Variants in SASH1 observed in about 807,000 individuals in gnomAD.
The protein encoded by SASH1 is SAM and SH3 domain-containing protein 1.
In SASH1, 44 loss-of-function variants were observed where a neutral mutation model predicts 125.2. The observed-to-expected ratio is 0.35, with a 90% CI of 0.28 to 0.45. The LOEUF (loss-of-function observed/expected upper bound fraction) is 0.45, where lower values mean the gene tolerates loss of function less well. SASH1 is among the 20% of genes least tolerant of loss of function. The pLI, the probability that SASH1 is intolerant of heterozygous loss-of-function variation, is 1.00. For synonymous variants in SASH1, 639 were observed against 649.1 expected (o/e 0.98, Z 0.24); for missense variants, 1,426 against 1,614.5 (o/e 0.88, Z 2.00).
the SASH1 span, among the ~76,000 whole-genome samples, chr6:148,224,849 T>A: frequency 6.6e-6 from 1 of 152,184 alleles, no homozygotes; most frequent in Non-Finnish European, 1.5e-5. Context: ...TTCCTGAAAG[T>A]AGATCATCTT....
At chr6:148,399,600 A>G (rs1784095691) in intron 2 of SASH1, among the ~76,000 whole-genome samples, 1 of 152,198 alleles carries the variant, frequency 6.6e-6, no homozygotes, top group African/African-American at 2.4e-5. Context: ...CTTAAACACC[A>G]AACTAGCATA....
chr6:148,394,953 CTA>C (rs758073212), intron 2 of SASH1, among the ~76,000 whole-genome samples: 1 of 152,320 alleles, frequency 6.6e-6, no homozygotes, highest in East Asian at 1.9e-4. Context: ...CAGTTTCTTT[CTA>C]TGTTTGTCAG....
intron 1 of SASH1, among the ~76,000 whole-genome samples, chr6:148,322,615 C>T (rs538402780): frequency 7.8e-4 from 119 of 152,162 alleles, no homozygotes; most frequent in Non-Finnish European, 1.4e-3. Flanking sequence ...GCTCAGCTGA[C>T]GTTTCTTGCT....
intron 1 of SASH1, among the ~76,000 whole-genome samples, chr6:148,322,035 C>A (rs1459302295): frequency 1.3e-5 from 2 of 152,110 alleles, no homozygotes; most frequent in Non-Finnish European, 2.9e-5. Flanking sequence ...GAATCTTGGT[C>A]TAACAGTAGC....
the SASH1 span, among the ~76,000 whole-genome samples, chr6:148,200,776 A>G: frequency 6.6e-6 from 1 of 152,232 alleles, no homozygotes; most frequent in Admixed American, 6.5e-5. Context: ...TTACAATTGA[A>G]GGACAGACAT....
At chr6:148,440,443 A>G (rs749566942) in intron 4 of SASH1, 36 bp downstream of exon 4, 42 of 1,580,026 alleles carry the variant, frequency 2.7e-5, no homozygotes, top group Non-Finnish European at 3.6e-5. Context: ...ACCACCTTCC[A>G]AGAAGGTGTC....
At chr6:148,281,171 T>A (rs1779331725) in intron 1 of SASH1, among the ~76,000 whole-genome samples, 1 of 144,198 alleles carries the variant, frequency 6.9e-6, no homozygotes, top group South Asian at 2.3e-4. Context: ...TTGGCCAGGC[T>A]GGTCTGGATC....
intron 2 of SASH1, among the ~76,000 whole-genome samples, chr6:148,404,765 C>G (rs1784310978): frequency 8.2e-6 from 1 of 121,924 alleles, no homozygotes; most frequent in Non-Finnish European, 1.7e-5. Flanking sequence ...TGCCCCACCC[C>G]AGCCTCGCCC....
rs1782692075 is a variant in SASH1 at position 148,548,429 on chromosome 6, A to C, written c.3615A>C (p.Thr1205=). 6.2e-7 allele frequency: 1 copy of C among 1,614,166 alleles called. No homozygotes were observed. The highest frequency in any genetic ancestry group is 8.5e-7 in the Non-Finnish European group (1 of 1,180,024). ...AGTLSTAGFS[T]LSQVPSLSHT... ...CCCTCTCCACCGCGGGCTTCAGCAC[A>C]CTGAGCCAAGTGCCTTCTCTGTCTC... The change falls in exon 20 of 20, where the codon ACA becomes ACC. Residue 1205 remains threonine, a synonymous_variant. Coordinates refer to ENST00000367467, the MANE Select transcript of SASH1 (RefSeq NM_015278.5).
intron 7 of SASH1, among the ~76,000 whole-genome samples, chr6:148,476,425 A>G (rs1778348909): frequency 6.6e-6 from 1 of 152,126 alleles, no homozygotes; most frequent in Admixed American, 6.6e-5. Flanking sequence ...ATTAGAAGAA[A>G]TGATCTTACA....
chr6:148,533,884 C>T lies in SASH1; in HGVS notation c.1848C>T (p.Asp616=), dbSNP rs751698008. The T allele has an allele frequency of 1.3e-5, 21 of 1,613,904 alleles. No individual in the cohort carries two copies. Among genetic ancestry groups the T allele is most frequent in the East Asian group, 4.5e-5 (2 of 44,872 alleles). Residue 616 remains aspartate (D), a synonymous_variant, in exon 15 of 20, where the codon GAC becomes GAT. Coordinates refer to ENST00000367467, the MANE Select transcript of SASH1 (RefSeq NM_015278.5). The surrounding 1 kb of genome is among the most constrained non-coding windows in gnomAD (Gnocchi z 6.2). ...TCTACGTGGACGTGCTCAGTGAAGA[C>T]GAGGAGAAACCCAAACGCCCCACCA... ...KFIYVDVLSE[D]EEKPKRPTRR... is the part of the protein sequence containing the mutation.
intron 1 of SASH1, among the ~76,000 whole-genome samples, chr6:148,283,617 G>A (rs1779404633): frequency 6.6e-6 from 1 of 152,026 alleles, no homozygotes. Context: ...TACTAAAAAT[G>A]CAAAAAATTA....
chr6:148,546,924 C>T (rs1383551714), intron 19 of SASH1, among the ~76,000 whole-genome samples: 1 of 152,064 alleles, frequency 6.6e-6, no homozygotes, highest in Non-Finnish European at 1.5e-5. Flanking sequence ...AGTAGTCTCC[C>T]CCTATCCATG....
chr6:148,421,908 G>A (rs1307738827), intron 2 of SASH1, among the ~76,000 whole-genome samples: 1 of 152,104 alleles, frequency 6.6e-6, no homozygotes, highest in Non-Finnish European at 1.5e-5. Context: ...TTAAAGTAAT[G>A]TCTTTCTTGT....
intron 1 of SASH1, among the ~76,000 whole-genome samples, chr6:148,297,244 G>A (rs1779788575): frequency 6.6e-6 from 1 of 152,210 alleles, no homozygotes; most frequent in African/African-American, 2.4e-5. Context: ...GGTCGCACCA[G>A]GGCCGTCACT....
intron 4 of SASH1, among the ~76,000 whole-genome samples, chr6:148,446,835 G>A (rs1776817884): frequency 6.6e-6 from 1 of 152,168 alleles, no homozygotes; most frequent in Non-Finnish European, 1.5e-5. Context: ...GAGGTAAGTT[G>A]CCCAGGGCCA....
In SASH1 at chr6:148,527,596, G is replaced by T. The variant is rs1781258621; in HGVS notation, c.1428G>T (p.Gln476His). The T allele has an allele frequency of 6.2e-7, 1 of 1,601,268 alleles. No homozygotes were observed. Among genetic ancestry groups the T allele is most frequent in the African/African-American group, 1.3e-5 (1 of 74,158 alleles). Residue 476 changes from glutamine (Q) to histidine (H), a missense_variant and splice_region_variant, in exon 12 of 20, where the codon CAG becomes CAT. By Grantham distance (24) the Gln-to-His change is conservative. Transcript: ENST00000367467. ...SKKYSSSVSE[Q>H]DSGLDGMPGS... ...AATACAGCAGCTCTGTCTCTGAGCA[G>T]GTATGCAGCTACCTGGTAGAATGTT...
At chr6:148,508,857 G>A (rs1562467668) in intron 8 of SASH1, 2 of 1,287,968 alleles carry the variant, frequency 1.6e-6, no homozygotes, top group Admixed American at 2.3e-5. Context: ...TACCCCTTAG[G>A]CTTGCTAAAT....
At chr6:148,225,260 A>ATATATGTAATTTAT in the SASH1 span, among the ~76,000 whole-genome samples, 1 of 152,230 alleles carries the variant, frequency 6.6e-6, no homozygotes, top group Non-Finnish European at 1.5e-5. Context: ...TTACACTTAC[A>ATATATGTAATTTAT]GAAGTAATTT....
Sources: gnomAD v4.1 joint callset for allele counts (sites outside exome capture counted in the v4.1 genomes callset) on GRCh38, gnomAD v4.1.1 for gene constraint, Gnocchi (gnomAD v3.1) non-coding constraint, MANE v1.5 for transcripts, NCBI Gene and HGNC (gene_info 2026-07-23, HGNC 2026-07-21) for gene names.